CADPS2: variants seen among roughly 807,000 people sequenced by gnomAD.
CADPS2 encodes the protein calcium dependent secretion activator 2, also known as calcium-dependent secretion activator 2.
Under a neutral mutation model 172.5 loss-of-function variants are expected in CADPS2, and 93 were observed. The observed-to-expected ratio is 0.54, with a 90% CI of 0.46 to 0.64. The LOEUF is 0.64. Among genes scored for constraint, CADPS2 ranks in the 30% least tolerant of loss-of-function variants. The pLI is 0.00. For missense variants in CADPS2, 1,420 were observed against 1,565.9 expected (o/e 0.91, Z 1.57); for synonymous variants, 546 against 555.2 (o/e 0.98, Z 0.23).
chr7:122,811,101 C>G (rs1417374999), intron 1 of CADPS2, among the ~76,000 whole-genome samples: 1 of 152,152 alleles, frequency 6.6e-6, no homozygotes, highest in African/African-American at 2.4e-5. Flanking sequence ...TAAATAATAG[C>G]TATTTTTAAC....
At chr7:122,784,219 C>T (rs73718003) in intron 1 of CADPS2, among the ~76,000 whole-genome samples, 141 of 152,276 alleles carry the variant, frequency 9.3e-4, no homozygotes, top group Middle Eastern at 3.4e-3. Flanking sequence ...ATCTCATCCT[C>T]CTCCCTAAGA....
chr7:122,734,619 A>G (rs192274882), intron 2 of CADPS2, among the ~76,000 whole-genome samples: 171 of 152,148 alleles, frequency 1.1e-3, no homozygotes, highest in Non-Finnish European at 1.9e-3. Context: ...AAACATAAAG[A>G]TCATGATCAC....
intron 9 of CADPS2, among the ~76,000 whole-genome samples, chr7:122,511,250 A>G (rs1396769034): frequency 2.0e-5 from 3 of 149,228 alleles, no homozygotes; most frequent in Non-Finnish European, 3.0e-5. Context: ...AAACCTACCA[A>G]TTAACAGTCT....
intron 3 of CADPS2, among the ~76,000 whole-genome samples, chr7:122,657,978 G>T (rs2080023558): frequency 6.6e-6 from 1 of 152,038 alleles, no homozygotes; most frequent in African/African-American, 2.4e-5. Context: ...GAAAATTTTT[G>T]CAATCTACTC....
chr7:122,394,234 G>C (rs780220872), intron 20 of CADPS2, among the ~76,000 whole-genome samples: 23 of 152,088 alleles, frequency 1.5e-4, no homozygotes, highest in Non-Finnish European at 2.8e-4. Flanking sequence ...ACCTAAAGTA[G>C]TGACAGAAAT....
At chr7:122,716,264 G>A (rs2089583920) in intron 2 of CADPS2, among the ~76,000 whole-genome samples, 6 of 151,966 alleles carry the variant, frequency 3.9e-5, no homozygotes, top group African/African-American at 1.4e-4. Context: ...AGCCTGCCTC[G>A]GACCTTACTG....
chr7:122,374,199 T>C (rs2042083493), intron 25 of CADPS2, among the ~76,000 whole-genome samples: 1 of 152,084 alleles, frequency 6.6e-6, no homozygotes, highest in South Asian at 2.1e-4. Context: ...CAAAACTAAG[T>C]AATGTTTCAT....
intron 2 of CADPS2, among the ~76,000 whole-genome samples, chr7:122,684,965 C>T (rs373622878): frequency 4.3e-4 from 65 of 152,200 alleles, no homozygotes; most frequent in African/African-American, 1.5e-3. Flanking sequence ...AAAATGAACC[C>T]AAAACTTAAC....
At chr7:122,737,113 GA>G in intron 1 of CADPS2, 45 bp from the exon 2 acceptor site, 2 of 953,150 alleles carry the variant, frequency 2.1e-6, no homozygotes, top group Non-Finnish European at 1.7e-6. Flanking sequence ...GCCAGTACAT[GA>G]AAAAATAATG....
chr7:122,566,252 A>G (rs2066457474), intron 7 of CADPS2, among the ~76,000 whole-genome samples: 1 of 152,194 alleles, frequency 6.6e-6, no homozygotes, highest in African/African-American at 2.4e-5. Context: ...GCTATTATCA[A>G]CAAGATAAAA....
intron 9 of CADPS2, among the ~76,000 whole-genome samples, chr7:122,495,603 G>A (rs185065273): frequency 5.5e-4 from 84 of 152,226 alleles, no homozygotes; most frequent in Non-Finnish European, 6.0e-4. Context: ...ACAATGCCAT[G>A]ATGGACATTC....
intron 28 of CADPS2, among the ~76,000 whole-genome samples, chr7:122,336,862 T>C (rs1162983261): frequency 6.6e-6 from 1 of 152,198 alleles, no homozygotes; most frequent in African/African-American, 2.4e-5. Flanking sequence ...GCATGTGGAA[T>C]TTCTTTTTTT....
chr7:122,615,678 G>A (rs956237424), intron 5 of CADPS2, among the ~76,000 whole-genome samples: 1 of 151,954 alleles, frequency 6.6e-6, no homozygotes, highest in African/African-American at 2.4e-5. Context: ...AGCAGTACAT[G>A]ATAAGTACCA....
chr7:122,450,554 A>G (rs570779998), intron 15 of CADPS2, among the ~76,000 whole-genome samples: 2 of 129,004 alleles, frequency 1.6e-5, no homozygotes, highest in African/African-American at 6.2e-5. Flanking sequence ...TTTTGAGACA[A>G]GGTCTCATGC....
chr7:122,675,344 A>T (rs2082276459), intron 2 of CADPS2, among the ~76,000 whole-genome samples: 1 of 152,204 alleles, frequency 6.6e-6, no homozygotes, highest in Non-Finnish European at 1.5e-5. Context: ...GTGGAGAAAG[A>T]ACAATGGTCA....
At chr7:122,878,428 G>A (rs1436119554) in intron 1 of CADPS2, among the ~76,000 whole-genome samples, 9 of 151,650 alleles carry the variant, frequency 5.9e-5, no homozygotes, top group East Asian at 5.8e-4. Context: ...CGAGGTGGGC[G>A]GATCACAACG....
intron 9 of CADPS2, among the ~76,000 whole-genome samples, chr7:122,505,268 T>C (rs1231420531): frequency 6.6e-6 from 1 of 152,218 alleles, no homozygotes; most frequent in Admixed American, 6.5e-5. Flanking sequence ...TTAATGTGCA[T>C]TTTTCTTCAC....
In CADPS2 at chr7:122,419,274, T is replaced by G. The variant is rs1418913269; in HGVS notation, c.2477-3110A>C. Among the ~76,000 whole-genome samples the G allele has an allele frequency of 7.2e-5, 11 of 152,314 alleles. No homozygotes were observed. In the East Asian group the frequency reaches 1.5e-3, roughly 21 times the overall value. On this transcript the variant is annotated intron_variant, in intron 17 of 29. Coordinates refer to ENST00000449022, the MANE Select transcript of CADPS2 (RefSeq NM_017954.11). ...CGATTGCAAAGAGCTCATCTGTATC[T>G]AATACATCAAGGGTGGATAAGAGAG...
chr7:122,507,055 A>T (rs1295872990), intron 9 of CADPS2, among the ~76,000 whole-genome samples: 1 of 152,132 alleles, frequency 6.6e-6, no homozygotes, highest in African/African-American at 2.4e-5. Flanking sequence ...TACATTCTAG[A>T]AGGAGTAAAG....
Sources: allele counts gnomAD v4.1 joint callset (sites outside exome capture counted in the v4.1 genomes callset), GRCh38; gene constraint gnomAD v4.1.1; transcripts MANE v1.5; gene names NCBI Gene and HGNC (gene_info 2026-07-23, HGNC 2026-07-21).